Variants in TRPM7 observed in about 807,000 individuals in gnomAD.
TRPM7 encodes the protein LTRPC ion channel family member 7.
Under a neutral mutation model 229.7 loss-of-function variants are expected in TRPM7, and 134 were observed. The ratio of observed to expected loss-of-function variants is 0.58; its 90% confidence interval spans 0.51 to 0.67. The LOEUF is 0.67. TRPM7 is among the 30% of genes least tolerant of loss of function. TRPM7 has a pLI of 0.00. For missense variants in TRPM7, 1,901 were observed against 2,210.0 expected (o/e 0.86, Z 2.80); for synonymous variants, 699 against 715.2 (o/e 0.98, Z 0.36).
At chr15:50,650,732 C>T (rs2061400534) in intron 3 of TRPM7, among the ~76,000 whole-genome samples, 1 of 151,866 alleles carries the variant, frequency 6.6e-6, no homozygotes, top group African/African-American at 2.4e-5. Flanking sequence ...CAGACCTAGA[C>T]AGCCCATGCC....
At chr15:50,599,485 A>AT in intron 21 of TRPM7, 189 bp from the exon 22 acceptor site, 1 of 432,122 alleles carries the variant, frequency 2.3e-6, no homozygotes, top group South Asian at 6.6e-5. Context: ...CATCTAGGAG[A>AT]TTACGTAAAA....
chr15:50,601,036 CA>C (rs1373114378), intron 21 of TRPM7, among the ~76,000 whole-genome samples: 1 of 151,728 alleles, frequency 6.6e-6, no homozygotes, highest in African/African-American at 2.4e-5. Context: ...TATTGCAAAA[CA>C]AAAAGTATAT....
In TRPM7 at chr15:50,612,787, C is replaced by T; in HGVS notation, c.1813G>A (p.Asp605Asn). 1 of 1,613,808 alleles carries T rather than the reference C, an allele frequency of 6.2e-7. No individual in the cohort carries two copies. The highest frequency in any genetic ancestry group is 8.5e-7 in the Non-Finnish European group (1 of 1,179,972). ...GGATCATCAATGTCTACAATTTCAT[C>T]TTTGGTTCTTTTCTTCTTTCCTTCT... Reference protein sequence around the residue: ...MEEGKKKRTKDEIVDIDDPET... With the variant: ...MEEGKKKRTKNEIVDIDDPET... The change falls in exon 16 of 39, where the codon GAT (aspartate) becomes AAT (asparagine). Residue 605 changes from aspartate (D) to asparagine (N), a missense_variant. By Grantham distance (23) the Asp-to-Asn change is conservative. Coordinates refer to ENST00000646667, the MANE Select transcript of TRPM7 (RefSeq NM_017672.6).
At position 50,592,645 on chromosome 15, in the gene TRPM7, CT is replaced by C; in HGVS notation, c.3609-20del. On this transcript the variant is annotated intron_variant, in intron 25 of 38. Coordinates refer to ENST00000646667, the MANE Select transcript of TRPM7 (RefSeq NM_017672.6). ...TTCCACTCTGTAGGAGAGAAATAAG[CT>C]TTTTTTACAAATGTGAAAAAATAAT... The C allele has an allele frequency of 1.4e-6, 2 of 1,449,200 alleles. No homozygotes were observed. Among genetic ancestry groups the C allele is most frequent in the Non-Finnish European group, 1.8e-6 (2 of 1,086,078 alleles). 89.8% of individuals were successfully genotyped at this position (1,449,200 alleles called of 1,614,324 possible).
rs2060022789 is a variant in TRPM7, at chr15:50,609,923, C to T, written c.2319G>A (p.Leu773=). The part of the protein sequence containing the change: ...LSILVPPAIL[L]LEYKTKAEMS... The stretch of plus-strand genomic sequence containing the variant: ...TTTCAGCCTTAGTTTTATACTCTAA[C>T]AGCAATATGGCAGGTGGAACTAAAA... The change falls in exon 18 of 39, where the codon CTG becomes CTA. Residue 773 remains leucine (L), a synonymous_variant. Transcript: ENST00000646667. The T allele has an allele frequency of 6.2e-7, 1 of 1,610,394 alleles. No individual in the cohort carries two copies.
intron 1 of TRPM7, among the ~76,000 whole-genome samples, chr15:50,671,851 T>C (rs536912319): frequency 1.7e-4 from 26 of 152,184 alleles, no homozygotes; most frequent in African/African-American, 6.0e-4. Context: ...CCATCATAAG[T>C]TCATAGCACC....
intron 12 of TRPM7, among the ~76,000 whole-genome samples, chr15:50,623,489 C>CA (rs749011836): frequency 7.1e-5 from 8 of 113,298 alleles, no homozygotes; most frequent in African/African-American, 2.4e-4. Context: ...GCTGCCCCGC[C>CA]CCCTCCCCGC....
intron 16 of TRPM7, 132 bp downstream of exon 16, chr15:50,612,415 ATT>A: frequency 5.0e-6 from 3 of 601,726 alleles, no homozygotes; most frequent in Admixed American, 7.8e-5. Context: ...TACTTATATA[ATT>A]TTCTGTCAAT....
At position 50,623,487 on chromosome 15, in the gene TRPM7, GCC is replaced by G. The variant is rs570868762; in HGVS notation, c.1440+677_1440+678del. ...ACATTTACCATCTTATTGCTGCCCC[GCC>G]CCCTCCCCGCCCCGCCCTGGATTTG... On this transcript the variant is annotated intron_variant, in intron 12 of 38. Transcript: ENST00000646667. Among the ~76,000 whole-genome samples the G allele has an allele frequency of 3.5e-5, 4 of 113,158 alleles. 1 individual carries two copies. The highest frequency in any genetic ancestry group is 7.6e-5 in the Non-Finnish European group (4 of 52,566). 74.2% of individuals were successfully genotyped at this position (113,158 alleles called of 152,430 possible).
chr15:50,623,578 C>T (rs2060479456), intron 12 of TRPM7, among the ~76,000 whole-genome samples: 1 of 138,964 alleles, frequency 7.2e-6, no homozygotes, highest in Non-Finnish European at 1.5e-5. Flanking sequence ...CTTTGAAAAT[C>T]AAGTTAAGGA....
intron 1 of TRPM7, among the ~76,000 whole-genome samples, chr15:50,671,941 C>G (rs1422644077): frequency 6.6e-6 from 1 of 152,130 alleles, no homozygotes; most frequent in Non-Finnish European, 1.5e-5. Context: ...GCATATACAA[C>G]TATGTACAGT....
intron 1 of TRPM7, among the ~76,000 whole-genome samples, chr15:50,677,215 A>C (rs1403140611): frequency 6.6e-6 from 1 of 152,080 alleles, no homozygotes; most frequent in Non-Finnish European, 1.5e-5. Flanking sequence ...GAGGGAGTGA[A>C]TAAGCTCTCT....
intron 11 of TRPM7, among the ~76,000 whole-genome samples, chr15:50,624,898 G>A (rs12907387): frequency 0.075 from 11,432 of 152,190 alleles, 557 homozygotes; most frequent in South Asian, 0.12. Flanking sequence ...GATAAGTCAG[G>A]CAAGATTGTA....
intron 13 of TRPM7, 96 bp from the exon 14 acceptor site, chr15:50,614,359 T>C (rs2060153195): frequency 3.4e-6 from 4 of 1,162,792 alleles, no homozygotes; most frequent in Middle Eastern, 4.1e-4. Flanking sequence ...AAATGACAAA[T>C]GTTTACTTCT....
chr15:50,655,797 C>T (rs979557452), intron 3 of TRPM7, among the ~76,000 whole-genome samples: 2 of 152,028 alleles, frequency 1.3e-5, no homozygotes, highest in African/African-American at 4.8e-5. Flanking sequence ...GGAGACCAGC[C>T]CAGCCACCAT....
rs762860383 is a variant in TRPM7, at chr15:50,574,407, T to A, written c.5175A>T (p.Gly1725=). 3.1e-6 allele frequency: 5 copies of A among 1,613,872 alleles called. No homozygotes were observed. The African/African-American group carries it at 5.3e-5, about 17-fold the overall frequency. Residue 1725 remains glycine (G), a synonymous_variant, in exon 36 of 39, where the codon GGA becomes GGT. Coordinates refer to ENST00000646667, the MANE Select transcript of TRPM7 (RefSeq NM_017672.6). ...QWFAVEECMT[G]EFRKYNNNNG... ...TATTATTGTTGTATTTTCTAAATTC[T>A]CCAGTCATACATTCTTCCACAGCAA...
intron 4 of TRPM7, 118 bp downstream of exon 4, chr15:50,648,569 C>CT: frequency 1.2e-6 from 1 of 831,226 alleles, no homozygotes; most frequent in Middle Eastern, 2.8e-4. Context: ...CACCTTTGTA[C>CT]TTTAAAATAT....
Position 50,592,249 on chromosome 15 carries a change from ATATTACAC to A in TRPM7, c.3978_3985del (p.Gln1326HisfsTer16). The A allele has an allele frequency of 6.2e-7, 1 of 1,614,130 alleles. No individual in the cohort carries two copies. The highest frequency in any genetic ancestry group is 8.5e-7 in the Non-Finnish European group (1 of 1,180,020). Reference sequence around the variant, plus strand: ...TACTGCAGGTAAGTCTTGACCAAATATATTACACTGGGGATCTTTGTCATCTTTCATTA... The same window carrying A: ...TACTGCAGGTAAGTCTTGACCAAATATGGGGATCTTTGTCATCTTTCATTA... On this transcript the variant is annotated frameshift_variant, in exon 26 of 39. Coordinates refer to ENST00000646667, the MANE Select transcript of TRPM7 (RefSeq NM_017672.6). LOFTEE classifies it high-confidence loss of function.
At chr15:50,593,820 C>T (rs538287605) in intron 24 of TRPM7, 71 bp from the exon 25 acceptor site, 10 of 1,453,266 alleles carry the variant, frequency 6.9e-6, no homozygotes, top group African/African-American at 4.3e-5. Flanking sequence ...ATAATTCTTA[C>T]GAATTATTCA....
Sources: allele counts gnomAD v4.1 joint callset (sites outside exome capture counted in the v4.1 genomes callset), GRCh38; gene constraint gnomAD v4.1.1; transcripts MANE v1.5; gene names NCBI Gene and HGNC (gene_info 2026-07-23, HGNC 2026-07-21).